MACF1: variants seen among roughly 807,000 people sequenced by gnomAD.
MACF1 encodes microtubule actin crosslinking factor 1, also known as microtubule-actin cross-linking factor 1.
MACF1 carries 193 observed loss-of-function variants against 854.8 expected under a neutral mutation model. That is an observed-to-expected ratio of 0.23 (90% CI 0.20 to 0.25). The LOEUF (loss-of-function observed/expected upper bound fraction) is 0.25, where lower values mean the gene tolerates loss of function less well. Ranked by LOEUF, MACF1 falls within the 10% of genes least tolerant of loss-of-function variation. MACF1 has a pLI of 1.00. For synonymous variants in MACF1, 3,185 were observed against 3,226.7 expected, an observed-to-expected ratio of 0.99 and a Z score of 0.44; for missense variants, 7,722 against 8,929.1, an observed-to-expected ratio of 0.86 and a Z score of 5.45.
chr1:39,293,018 T>C (rs1423330691), intron 17 of MACF1, among the ~76,000 whole-genome samples, 175 bp downstream of exon 17: 1 of 152,242 alleles, frequency 6.6e-6, no homozygotes, highest in Non-Finnish European at 1.5e-5. Flanking sequence ...CCCAATTTTC[T>C]AAATGGGTCA....
At chr1:39,436,440 C>G (rs963646337) in intron 70 of MACF1, 11 of 1,612,416 alleles carry the variant, frequency 6.8e-6, no homozygotes, top group South Asian at 1.1e-5. Context: ...TTCCCCACAT[C>G]GTCACATTTC....
In MACF1 at chr1:39,335,487, A is replaced by G. The variant is rs755203055; in HGVS notation, c.8899A>G (p.Met2967Val). The change falls in exon 37 of 101, where the codon ATG becomes GTG. Residue 2967 changes from methionine (M) to valine (V), a missense_variant. Met to Val is a conservative substitution (Grantham distance 21). Around this residue, in one of 15 missense-constraint regions of MACF1, gnomAD observed 854 missense variants for 852.6 expected, o/e 1.00. Transcript: ENST00000564288. Reference sequence around the variant, plus strand: ...GAGTGAGCAGGTTTTGCAGCAACCAATGAATGCTCGGGTGAAAAGTAAGAG... The same window carrying G: ...GAGTGAGCAGGTTTTGCAGCAACCAGTGAATGCTCGGGTGAAAAGTAAGAG... Reference protein sequence around the residue: ...LPSEQVLQQPMNARVKSKREK... With the variant: ...LPSEQVLQQPVNARVKSKREK... 2.9e-5 allele frequency: 47 copies of G among 1,614,086 alleles called. No homozygotes were observed. The highest frequency in any genetic ancestry group is 2.0e-4 in the Admixed American group (12 of 60,008).
intron 6 of MACF1, among the ~76,000 whole-genome samples, chr1:39,262,968 G>GC (rs975416756): frequency 2.1e-5 from 3 of 144,994 alleles, no homozygotes; most frequent in Non-Finnish European, 4.5e-5. Flanking sequence ...CATGTGGAGT[G>GC]CCCCCCCACC....
Position 39,430,821 on chromosome 1 carries a change from C to T in MACF1, c.17250C>T (p.Ser5750=), listed in dbSNP as rs747896800. 114 of 1,612,484 alleles carry T rather than the reference C, an allele frequency of 7.1e-5. No individual in the cohort carries two copies. The highest frequency in any genetic ancestry group is 1.5e-4 in the African/African-American group (11 of 74,836). ...GAGAAGGGCTGGATAAACTTGTGTC[C>T]GATGCTAACGAGCAGTACAAACTAG... ...RAREGLDKLV[S]DANEQYKLVS... The change falls in exon 66 of 101, where the codon TCC becomes TCT. Residue 5750 remains serine, a synonymous_variant. Transcript: ENST00000564288.
chr1:39,254,905 T>C (rs766943721), intron 5 of MACF1, among the ~76,000 whole-genome samples: 9 of 152,140 alleles, frequency 5.9e-5, no homozygotes, highest in Non-Finnish European at 1.0e-4. Flanking sequence ...AAGCTTTTCC[T>C]TCCCTGGATG....
chr1:39,176,821 A>G (rs1231790437), intron 2 of MACF1, among the ~76,000 whole-genome samples: 1 of 152,246 alleles, frequency 6.6e-6, no homozygotes, highest in East Asian at 1.9e-4. Flanking sequence ...ACCATGACCC[A>G]GGGTTCTGAT....
intron 73 of MACF1, 44 bp from the exon 74 acceptor site, chr1:39,441,180 G>C (rs752581881): frequency 6.2e-7 from 1 of 1,614,038 alleles, no homozygotes; most frequent in Non-Finnish European, 8.5e-7. Flanking sequence ...CCAGACTGAA[G>C]AGTGGTATTG....
intron 6 of MACF1, among the ~76,000 whole-genome samples, chr1:39,271,454 A>G (rs1167026575): frequency 2.0e-5 from 3 of 152,206 alleles, no homozygotes; most frequent in Non-Finnish European, 4.4e-5. Context: ...CACTTTCATG[A>G]TTCATGATCC....
intron 6 of MACF1, among the ~76,000 whole-genome samples, chr1:39,276,134 C>T (rs1293276688): frequency 6.6e-6 from 1 of 152,024 alleles, no homozygotes; most frequent in Non-Finnish European, 1.5e-5. Flanking sequence ...TTCCCAGGCT[C>T]GTCTTGAACT....
At chr1:39,372,732 C>G (rs754772212) in intron 52 of MACF1, 136 bp downstream of exon 52, 21 of 668,944 alleles carry the variant, frequency 3.1e-5, no homozygotes, top group Non-Finnish European at 5.3e-5. Flanking sequence ...AGCAGTCTTC[C>G]CCTGCAACCT....
At chr1:39,164,865 A>C (rs1453585620) in intron 2 of MACF1, among the ~76,000 whole-genome samples, 1 of 152,260 alleles carries the variant, frequency 6.6e-6, no homozygotes, top group Non-Finnish European at 1.5e-5. Context: ...CCTCTGGAAG[A>C]ACTAGAACTG....
chr1:39,474,261 A>T (rs936660189), intron 97 of MACF1, among the ~76,000 whole-genome samples: 1 of 151,712 alleles, frequency 6.6e-6, no homozygotes, highest in Non-Finnish European at 1.5e-5. Flanking sequence ...TGGTGGCATG[A>T]CCCTGTTGTC....
At chr1:39,445,402 A>C (rs373076568) in intron 80 of MACF1, among the ~76,000 whole-genome samples, 2 of 152,352 alleles carry the variant, frequency 1.3e-5, no homozygotes, top group African/African-American at 4.8e-5. Flanking sequence ...TTTGCTGCTC[A>C]GATCAAGTAT....
intron 1 of MACF1, among the ~76,000 whole-genome samples, chr1:39,207,254 G>GT: frequency 6.7e-6 from 1 of 149,380 alleles, no homozygotes; most frequent in East Asian, 2.0e-4. Context: ...GTTCATAGTT[G>GT]TTTTTTTCTT....
intron 6 of MACF1, among the ~76,000 whole-genome samples, chr1:39,260,196 T>C (rs1371232111): frequency 6.6e-6 from 1 of 152,150 alleles, no homozygotes; most frequent in Non-Finnish European, 1.5e-5. Context: ...ATGACCACAG[T>C]GGTCTTTGAT....
At chr1:39,088,206 T>G (rs1460979148) in intron 2 of MACF1, among the ~76,000 whole-genome samples, 4 of 152,012 alleles carry the variant, frequency 2.6e-5, no homozygotes, top group Admixed American at 6.6e-5. Context: ...TCTCCTGACC[T>G]CGTGATCCGC....
At chr1:39,361,713 G>T in intron 49 of MACF1, 36 bp downstream of exon 49, 1 of 1,601,756 alleles carries the variant, frequency 6.2e-7, no homozygotes, top group South Asian at 1.1e-5. Flanking sequence ...AGAATAAAGG[G>T]AAGAGAAGGG....
chr1:39,309,481 GC>G, intron 23 of MACF1, 88 bp from the exon 24 acceptor site: 1 of 1,487,950 alleles, frequency 6.7e-7, no homozygotes, highest in Non-Finnish European at 9.2e-7. Context: ...GCTCAATTCT[GC>G]TAAGGCAATC....
rs1198632994 is a variant in MACF1, at chr1:39,288,278, CACAAGCTCAGGAGATCGA to C, written c.1785+717_1785+734del. Among the ~76,000 whole-genome samples, 5 of 151,838 alleles carry C rather than the reference CACAAGCTCAGGAGATCGA, an allele frequency of 3.3e-5. No individual in the cohort carries two copies. The East Asian group carries it at 9.7e-4, about 29-fold the overall frequency. On this transcript the variant is annotated intron_variant, in intron 15 of 100. Transcript: ENST00000564288. ...CTTTGGGAGGCCTAGGCGGGTGGAT[CACAAGCTCAGGAGATCGA>C]GACCATCCTGGCTAACATGGTGAAA...
Sources: allele counts gnomAD v4.1 joint callset (sites outside exome capture counted in the v4.1 genomes callset), GRCh38; gene constraint gnomAD v4.1.1; regional missense constraint gnomAD v4.1.1; transcripts MANE v1.5; gene names NCBI Gene and HGNC (gene_info 2026-07-23, HGNC 2026-07-21).